The following JMJD1C variants were observed in gnomAD, a reference collection of about 807,000 sequenced individuals.
The protein encoded by JMJD1C is jumonji domain containing 1C.
Under a neutral mutation model 245.3 loss-of-function variants are expected in JMJD1C, and 31 were observed. The ratio of observed to expected loss-of-function variants is 0.13; its 90% CI spans 0.09 to 0.17. The LOEUF (loss-of-function observed/expected upper bound fraction) is 0.17. Among genes scored for constraint, JMJD1C ranks in the 10% least tolerant of loss-of-function variants. The probability of loss-of-function intolerance (pLI) is 1.00; values close to 1 mark genes in which losing one functional copy is unlikely to be tolerated. For missense variants in JMJD1C, 2,691 were observed against 3,000.2 expected, an observed-to-expected ratio of 0.90 and a Z score of 2.41; for synonymous variants, 1,057 against 1,017.4, an observed-to-expected ratio of 1.04 and a Z score of -0.74.
At chr10:63,332,868 A>G (rs771506034) in intron 2 of JMJD1C, among the ~76,000 whole-genome samples, 5 of 152,182 alleles carry the variant, frequency 3.3e-5, no homozygotes, top group Non-Finnish European at 7.3e-5. Flanking sequence ...AGGAATACTG[A>G]TCTATCACGT....
At chr10:63,395,916 G>A (rs893825611) in intron 1 of JMJD1C, among the ~76,000 whole-genome samples, 43 of 151,822 alleles carry the variant, frequency 2.8e-4, no homozygotes, top group African/African-American at 9.7e-4. Context: ...TCAGAGTTGA[G>A]AAAAAAAGAC....
intron 22 of JMJD1C, 149 bp downstream of exon 22, chr10:63,183,298 T>G: frequency 3.4e-6 from 2 of 593,840 alleles, no homozygotes; most frequent in Non-Finnish European, 5.7e-6. Context: ...TATTCAATCT[T>G]CAAGTAATAA....
chr10:63,251,968 G>A (rs569194525), intron 3 of JMJD1C, among the ~76,000 whole-genome samples: 1 of 152,156 alleles, frequency 6.6e-6, no homozygotes. Context: ...AGACAAGATC[G>A]TGCCACTGCA....
intron 12 of JMJD1C, 40 bp downstream of exon 12, chr10:63,198,473 A>T (rs1845687597): frequency 8.1e-7 from 1 of 1,227,550 alleles, no homozygotes; most frequent in African/African-American, 1.5e-5. Context: ...AATTCTTAAA[A>T]TGAAATTTGT....
chr10:63,302,674 TGACTGTTGCA>T (rs1469092306), intron 2 of JMJD1C, among the ~76,000 whole-genome samples: 1 of 152,236 alleles, frequency 6.6e-6, no homozygotes, highest in Non-Finnish European at 1.5e-5. Context: ...TACCAAGTTG[TGACTGTTGCA>T]GTCTGACTAC....
intron 2 of JMJD1C, among the ~76,000 whole-genome samples, chr10:63,357,733 G>A (rs951314918): frequency 2.0e-5 from 3 of 151,918 alleles, no homozygotes; most frequent in Non-Finnish European, 4.4e-5. Context: ...TTAGCCAACA[G>A]TAAGTATTCA....
intron 1 of JMJD1C, among the ~76,000 whole-genome samples, chr10:63,471,922 C>T (rs552650573): frequency 6.6e-6 from 1 of 152,174 alleles, no homozygotes; most frequent in South Asian, 2.1e-4. Flanking sequence ...GCTGTAGTGC[C>T]AACTACTCGG....
chr10:63,499,383 A>G (rs750092976), intron 1 of JMJD1C, among the ~76,000 whole-genome samples: 2 of 152,206 alleles, frequency 1.3e-5, no homozygotes, highest in African/African-American at 2.4e-5. Flanking sequence ...CACACTTGTT[A>G]TATTTTCTTT....
chr10:63,448,969 T>C (rs181916740), intron 1 of JMJD1C, among the ~76,000 whole-genome samples: 31 of 151,840 alleles, frequency 2.0e-4, no homozygotes, highest in African/African-American at 7.0e-4. Context: ...ATACAAAAAT[T>C]AGCCAGGTGC....
At chr10:63,260,418 T>A (rs1246215927) in intron 3 of JMJD1C, among the ~76,000 whole-genome samples, 1 of 152,284 alleles carries the variant, frequency 6.6e-6, no homozygotes, top group African/African-American at 2.4e-5. Context: ...AAATCCATGA[T>A]AAAATGATTT....
intron 3 of JMJD1C, among the ~76,000 whole-genome samples, chr10:63,259,731 A>C (rs2133730227): frequency 6.6e-6 from 1 of 152,336 alleles, no homozygotes; most frequent in Admixed American, 6.5e-5. Flanking sequence ...TAGTCCAGGT[A>C]CTAAGAAAAT....
At chr10:63,425,389 C>G (rs1222121388) in intron 1 of JMJD1C, among the ~76,000 whole-genome samples, 1 of 152,106 alleles carries the variant, frequency 6.6e-6, no homozygotes, top group African/African-American at 2.4e-5. Context: ...TTAAAAGTCT[C>G]TATACAATCT....
At chr10:63,283,265 ACTT>A (rs750349456) in intron 2 of JMJD1C, among the ~76,000 whole-genome samples, 20 of 152,058 alleles carry the variant, frequency 1.3e-4, no homozygotes, top group Non-Finnish European at 2.2e-4. Context: ...GAGCAAATAA[ACTT>A]CTTTGTAGCA....
chr10:63,270,492 G>A (rs1380287904), intron 2 of JMJD1C, among the ~76,000 whole-genome samples: 1 of 150,496 alleles, frequency 6.6e-6, no homozygotes, highest in African/African-American at 2.5e-5. Context: ...TTTGAGACAG[G>A]ATTTTGCTCT....
chr10:63,347,020 T>C (rs566385658), intron 2 of JMJD1C, among the ~76,000 whole-genome samples: 1 of 152,000 alleles, frequency 6.6e-6, no homozygotes, highest in South Asian at 2.1e-4. Context: ...AGGGATGACA[T>C]TTTTAATGAG....
Position 63,364,893 on chromosome 10 carries a change from T to C in JMJD1C, c.333+15425A>G, listed in dbSNP as rs540214627. On this transcript the variant is annotated intron_variant, in intron 2 of 25. Coordinates refer to ENST00000399262, the MANE Select transcript of JMJD1C (RefSeq NM_032776.3). ...CTCAAATCCCACCATACTACAGCTA[T>C]AGCAACCTACTTAAAATACAAAATT... Among the ~76,000 whole-genome samples the C allele has an allele frequency of 6.7e-4, 102 of 152,368 alleles. 2 individuals carry two copies. In the South Asian group the frequency reaches 0.021, roughly 32 times the overall value.
At chr10:63,212,288 AT>A (rs1342093153) in intron 8 of JMJD1C, among the ~76,000 whole-genome samples, 1 of 152,194 alleles carries the variant, frequency 6.6e-6, no homozygotes, top group Non-Finnish European at 1.5e-5. Flanking sequence ...ACTTAAAAAT[AT>A]TTAAGATGGC....
In JMJD1C at chr10:63,177,927, C is replaced by T. The variant is rs543924846; in HGVS notation, c.7085-71G>A. On this transcript the variant is annotated intron_variant, in intron 22 of 25. Coordinates refer to ENST00000399262, the MANE Select transcript of JMJD1C (RefSeq NM_032776.3). ...GAAAGCCAAGTCTCCTAAAGTTGAT[C>T]TATCAGAGCAGCAGAGTGCCTGACT... 3.1e-3 allele frequency: 4,763 copies of T among 1,518,814 alleles called. 30 individuals are homozygous for T. Among genetic ancestry groups the T allele is most frequent in the South Asian group, 0.016 (1,312 of 83,702 alleles). The allele number at this position is 1,518,814 out of a possible 1,614,324, so 94.1% of individuals were successfully genotyped here. A position where few individuals can be genotyped will look rare whatever the true frequency, so the allele number is the denominator to read the frequency against.
At chr10:63,393,887 C>T (rs1208197917) in intron 1 of JMJD1C, among the ~76,000 whole-genome samples, 1 of 152,038 alleles carries the variant, frequency 6.6e-6, no homozygotes, top group Non-Finnish European at 1.5e-5. Flanking sequence ...GCATATAAAG[C>T]TATCGTAAAG....
Sources: allele counts gnomAD v4.1 joint callset (sites outside exome capture counted in the v4.1 genomes callset), GRCh38; gene constraint gnomAD v4.1.1; transcripts MANE v1.5; gene names NCBI Gene and HGNC (gene_info 2026-07-23, HGNC 2026-07-21).